The following KDM2B variants were observed in gnomAD, a reference collection of about 807,000 sequenced individuals.
The protein encoded by KDM2B is lysine demethylase 2B.
A neutral mutation model predicts 150.0 loss-of-function variants in KDM2B; 26 were observed. That is an observed-to-expected ratio of 0.17 (90% CI 0.13 to 0.24). The LOEUF (loss-of-function observed/expected upper bound fraction) is 0.24, where lower values mean the gene tolerates loss of function less well. KDM2B is among the 10% of genes least tolerant of loss of function. KDM2B has a pLI of 1.00. For synonymous variants in KDM2B, 734 were observed against 729.5 expected, an observed-to-expected ratio of 1.01 and a Z score of -0.10; for missense variants, 1,265 against 1,816.9, an observed-to-expected ratio of 0.70 and a Z score of 5.52.
chr12:121,549,071 C>T lies in KDM2B; in HGVS notation c.577-88G>A. On this transcript the variant is annotated intron_variant, in intron 5 of 22. Coordinates refer to ENST00000377071, the MANE Select transcript of KDM2B (RefSeq NM_032590.5). The surrounding 1 kb of genome is among the most constrained non-coding windows in gnomAD (Gnocchi z 4.4). ...TTTCCCCGGAGAGTCCTTGGGCCCCCCCGCTCCCCCAATCTACTGTGGGCT... is the reference window on the plus strand; with the variant it reads ...TTTCCCCGGAGAGTCCTTGGGCCCCTCCGCTCCCCCAATCTACTGTGGGCT... 4.8e-6 allele frequency: 5 copies of T among 1,046,812 alleles called. No individual in the cohort carries two copies. In the Admixed American group the frequency reaches 5.9e-5, roughly 12 times the overall value. 64.8% of individuals were successfully genotyped at this position (1,046,812 alleles called of 1,614,324 possible).
At chr12:121,552,070 G>C (rs931818179) in intron 4 of KDM2B, among the ~76,000 whole-genome samples, 1 of 152,212 alleles carries the variant, frequency 6.6e-6, no homozygotes, top group Non-Finnish European at 1.5e-5. Context: ...ACTGGCTCAA[G>C]CTCCCCAGAG....
At chr12:121,530,883 G>T (rs893357971) in intron 8 of KDM2B, among the ~76,000 whole-genome samples, 2 of 152,066 alleles carry the variant, frequency 1.3e-5, no homozygotes, top group African/African-American at 4.8e-5. Context: ...GGCCTGTTAG[G>T]CTCAGAGGAT....
At chr12:121,491,973 A>G (rs1883417196) in intron 12 of KDM2B, among the ~76,000 whole-genome samples, 2 of 152,208 alleles carry the variant, frequency 1.3e-5, no homozygotes, top group South Asian at 2.1e-4. Context: ...CCTTGGCAAC[A>G]TGGCAAAACC....
Position 121,429,997 on chromosome 12 carries a change from G to T in KDM2B, c.*291C>A. 1 of 889,038 alleles carries T rather than the reference G, an allele frequency of 1.1e-6. No individual in the cohort carries two copies. 55.1% of individuals were successfully genotyped at this position (889,038 alleles called of 1,614,324 possible). On this transcript the variant is annotated 3_prime_UTR_variant, in exon 23 of 23. Transcript: ENST00000377071. Reference sequence around the variant, plus strand: ...CTCCTAAGCTCATGCTTCAGTATGAGAATTTCTCCGAAGTCCACCCTCCTC... The same window carrying T: ...CTCCTAAGCTCATGCTTCAGTATGATAATTTCTCCGAAGTCCACCCTCCTC...
At chr12:121,542,380 A>G (rs1888675283) in intron 6 of KDM2B, among the ~76,000 whole-genome samples, 1 of 152,190 alleles carries the variant, frequency 6.6e-6, no homozygotes, top group South Asian at 2.1e-4. Flanking sequence ...CCTGGGCTCA[A>G]GCACTCCACC....
intron 2 of KDM2B, among the ~76,000 whole-genome samples, chr12:121,577,692 G>C (rs969795611): frequency 6.6e-6 from 1 of 152,210 alleles, no homozygotes; most frequent in Non-Finnish European, 1.5e-5. Context: ...TCCAAGGGGC[G>C]TGGGGGGAAC....
intron 4 of KDM2B, among the ~76,000 whole-genome samples, chr12:121,554,473 C>G (rs1555312389): frequency 6.6e-6 from 1 of 151,846 alleles, no homozygotes; most frequent in African/African-American, 2.4e-5. Flanking sequence ...GGCGATGGCG[C>G]GATCTCGGCT....
chr12:121,526,245 C>G (rs1317528231), intron 8 of KDM2B, among the ~76,000 whole-genome samples: 1 of 152,024 alleles, frequency 6.6e-6, no homozygotes, highest in Non-Finnish European at 1.5e-5. Flanking sequence ...CCCAGCTACT[C>G]AGGAGGCTGA....
At chr12:121,451,084 T>C (rs1555291533) in intron 13 of KDM2B, among the ~76,000 whole-genome samples, 1 of 152,074 alleles carries the variant, frequency 6.6e-6, no homozygotes, top group Non-Finnish European at 1.5e-5. Flanking sequence ...ACAAAAGTTA[T>C]ACTGAGTGTG....
rs916881933 is a variant in KDM2B, at chr12:121,453,362, C to A, written c.1735-18G>T. 2 of 1,543,206 alleles carry A rather than the reference C, an allele frequency of 1.3e-6. No individual in the cohort carries two copies. Among genetic ancestry groups the A allele is most frequent in the South Asian group, 1.2e-5 (1 of 82,922 alleles). ...GCCCGGTTCTGCAGGGGAACAGACA[C>A]GACTGGTCAGATGGGGAGACTGCAG... is the stretch of plus-strand genomic sequence containing the variant. On this transcript the variant is annotated intron_variant, in intron 12 of 22. Coordinates refer to ENST00000377071, the MANE Select transcript of KDM2B (RefSeq NM_032590.5). This position sits in a 1 kb window ranked among gnomAD's most constrained non-coding sequence, Gnocchi z 6.4.
rs1555288206 is a variant in KDM2B at position 121,441,226 on chromosome 12, C to T, written c.3292G>A (p.Asp1098Asn). The T allele has an allele frequency of 1.9e-6, 3 of 1,613,786 alleles. No individual in the cohort carries two copies. Among genetic ancestry groups the T allele is most frequent in the South Asian group, 1.1e-5 (1 of 91,070 alleles). Reference protein sequence around the residue: ...VCRTWNRWCCDKRLWTRIDLN... With the variant: ...VCRTWNRWCCNKRLWTRIDLN... The stretch of plus-strand genomic sequence containing the variant: ...TCAATGCGGGTCCACAACCGCTTAT[C>T]GCAGCACCTGGGGACCGGCCCCGTG... The change falls in exon 20 of 23, where the codon GAT becomes AAT. Residue 1098 changes from aspartate to asparagine, a missense_variant. By Grantham distance (23) the Asp-to-Asn change is conservative. This residue lies in a region of KDM2B where 251 missense variants were observed against 397.8 expected (regional missense o/e 0.63). Transcript: ENST00000377071.
In KDM2B at chr12:121,453,307, G is replaced by T; in HGVS notation, c.1772C>A (p.Pro591Gln). ...GGCGGCCAACTTCACCGCGGAGGCC[G>T]GGCCCAGCTTCCCCTTGGGCCGACC... is the stretch of plus-strand genomic sequence containing the variant. ...AVGRPKGKLGPASAVKLAANR... is the reference protein window; with the variant it reads ...AVGRPKGKLGQASAVKLAANR... Residue 591 changes from proline to glutamine, a missense_variant, in exon 13 of 23, where the codon CCG becomes CAG. This residue lies in a region of KDM2B where 69 missense variants were observed against 85.7 expected (regional missense o/e 0.81). Coordinates refer to ENST00000377071, the MANE Select transcript of KDM2B (RefSeq NM_032590.5). This position sits in a 1 kb window ranked among gnomAD's most constrained non-coding sequence, Gnocchi z 6.4. 6.3e-7 allele frequency: 1 copy of T among 1,596,192 alleles called. No individual in the cohort carries two copies. The highest frequency in any genetic ancestry group is 8.5e-7 in the Non-Finnish European group (1 of 1,171,362).
intron 6 of KDM2B, among the ~76,000 whole-genome samples, chr12:121,545,722 C>G (rs1020503137): frequency 1.4e-4 from 21 of 152,320 alleles, no homozygotes; most frequent in African/African-American, 4.8e-4. Flanking sequence ...ACAAGAGGAC[C>G]TGCAGAATGC....
downstream of KDM2B, among the ~76,000 whole-genome samples, chr12:121,425,004 G>C (rs1872443380): frequency 6.6e-6 from 1 of 152,132 alleles, no homozygotes; most frequent in Non-Finnish European, 1.5e-5. Context: ...AACCCTTCCA[G>C]TACCACATAA....
chr12:121,440,176 T>G, intron 21 of KDM2B, 101 bp from the exon 22 acceptor site: 1 of 783,690 alleles, frequency 1.3e-6, no homozygotes, highest in Non-Finnish European at 2.1e-6. Context: ...GACAGAACAC[T>G]CAGATTTCAT....
intron 4 of KDM2B, among the ~76,000 whole-genome samples, chr12:121,569,013 G>C (rs370002832): frequency 6.6e-6 from 1 of 152,148 alleles, no homozygotes; most frequent in South Asian, 2.1e-4. Context: ...AAACGGCCAC[G>C]TCCCGTGGTG....
rs1488079581 is a variant in KDM2B, at chr12:121,436,437, C to T, written c.3829+3420G>A. ...TCGGGAGGCTGAGGCGGGAGAATGG[C>T]GTGAACCTGGGAGGCGGAGCTTGTA... On this transcript the variant is annotated intron_variant, in intron 22 of 22. Coordinates refer to ENST00000377071, the MANE Select transcript of KDM2B (RefSeq NM_032590.5). Among the ~76,000 whole-genome samples the T allele has an allele frequency of 2.0e-5, 3 of 151,272 alleles. 1 individual carries two copies. Among genetic ancestry groups the T allele is most frequent in the Admixed American group, 2.0e-4 (3 of 15,140 alleles).
rs527867954 is a variant in KDM2B, at chr12:121,550,467, C to A, written c.398-829G>T. Among the ~76,000 whole-genome samples the A allele has an allele frequency of 5.9e-5, 9 of 152,290 alleles. No homozygotes were observed. In the East Asian group the frequency reaches 1.7e-3, roughly 29 times the overall value. On this transcript the variant is annotated intron_variant, in intron 4 of 22. Coordinates refer to ENST00000377071, the MANE Select transcript of KDM2B (RefSeq NM_032590.5). ...TGACAGCCCAAGGGCCAAATCCAGC[C>A]TACGGCCTATCATTGTGTGACCCAG...
At position 121,575,012 on chromosome 12, in the gene KDM2B, G is replaced by A. The variant is rs868918760; in HGVS notation, c.351-419C>T. On this transcript the variant is annotated intron_variant, in intron 3 of 22. Coordinates refer to ENST00000377071, the MANE Select transcript of KDM2B (RefSeq NM_032590.5). The surrounding 1 kb of genome is among the most constrained non-coding windows in gnomAD (Gnocchi z 4.4). ...TGAGGAGTTTTATGCAAAGTGGGACGGACCCCTTTAAGTTCAGAGGGAAAA... is the reference window on the plus strand; with the variant it reads ...TGAGGAGTTTTATGCAAAGTGGGACAGACCCCTTTAAGTTCAGAGGGAAAA... Among the ~76,000 whole-genome samples, 1 of 152,144 alleles carries A rather than the reference G, an allele frequency of 6.6e-6. No individual in the cohort carries two copies. Among genetic ancestry groups the A allele is most frequent in the Non-Finnish European group, 1.5e-5 (1 of 68,030 alleles).
Sources: allele counts gnomAD v4.1 joint callset (sites outside exome capture counted in the v4.1 genomes callset), GRCh38; gene constraint gnomAD v4.1.1; regional missense constraint gnomAD v4.1.1; non-coding constraint Gnocchi (gnomAD v3.1); transcripts MANE v1.5; gene names NCBI Gene and HGNC (gene_info 2026-07-23, HGNC 2026-07-21).